The following ZNF215 variants were observed in gnomAD, a reference collection of about 807,000 sequenced individuals.
ZNF215 encodes BWSCR2-associated zinc finger protein 2.
In ZNF215, 24 loss-of-function variants were observed where a neutral mutation model predicts 27.2. The observed-to-expected ratio is 0.88, with a 90% CI of 0.64 to 1.24. ZNF215 has a LOEUF of 1.24. Ranked by LOEUF, ZNF215 falls within the 50% of genes most tolerant of loss-of-function variation. The pLI is 0.00. For synonymous variants in ZNF215, 210 were observed against 204.0 expected (o/e 1.03, Z -0.25); for missense variants, 675 against 605.7 (o/e 1.11, Z -1.20).
At position 6,932,084 on chromosome 11, in the gene ZNF215, C is replaced by G. The variant is rs963827975; in HGVS notation, c.-179-10C>G. The G allele has an allele frequency of 3.4e-6, 2 of 581,774 alleles. No individual in the cohort carries two copies. The highest frequency in any genetic ancestry group is 5.7e-6 in the Non-Finnish European group (2 of 350,106). The allele number at this position is 581,774 out of a possible 1,614,324, so 36.0% of individuals were successfully genotyped here. ...TTGTTCCCTGTGGGTTAATTTCTAT[C>G]TTTTTTCAGTTGCTCAGGTACCTGA... On this transcript the variant is annotated splice_polypyrimidine_tract_variant and intron_variant, in intron 2 of 6. Transcript: ENST00000278319.
chr11:6,936,589 T>C (rs906133311), intron 3 of ZNF215, among the ~76,000 whole-genome samples: 1 of 151,970 alleles, frequency 6.6e-6, no homozygotes, highest in Non-Finnish European at 1.5e-5. Flanking sequence ...ATTCTCAAAC[T>C]CTTCCAAAAA....
chr11:6,982,965 A>C lies in ZNF215; in HGVS notation c.806-1164A>C, dbSNP rs1265643925. 3.3e-5 allele frequency among the ~76,000 whole-genome samples: 5 copies of C among 149,874 alleles called. No individual in the cohort carries two copies. In the East Asian group the frequency reaches 9.6e-4, roughly 29 times the overall value. On this transcript the variant is annotated intron_variant, in intron 5 of 5. Coordinates refer to the ZNF215 transcript ENST00000529903. The stretch of plus-strand genomic sequence containing the variant: ...AACCCTTCAAAAAATTAGTGAATCC[A>C]GGAGCTGGTTTTTTGAAAGGATCAA...
intron 5 of ZNF215, among the ~76,000 whole-genome samples, chr11:6,965,586 T>A (rs1232470867): frequency 6.6e-6 from 1 of 152,180 alleles, no homozygotes; most frequent in African/African-American, 2.4e-5. Flanking sequence ...TTATTTCTTT[T>A]ATCAGTCTTC....
intron 5 of ZNF215, among the ~76,000 whole-genome samples, chr11:6,976,731 T>G (rs1458932915): frequency 6.6e-6 from 1 of 152,096 alleles, no homozygotes; most frequent in Non-Finnish European, 1.5e-5. Context: ...ATGCTCTAGC[T>G]GAGTGATTAC....
downstream of ZNF215, among the ~76,000 whole-genome samples, chr11:6,961,222 G>T (rs1219370323): frequency 6.6e-6 from 1 of 151,998 alleles, no homozygotes; most frequent in African/African-American, 2.4e-5. Context: ...AAAATAACAG[G>T]TATTTCCTTC....
rs372864191 is a variant in ZNF215, at chr11:6,943,583, G to C, written c.654G>C (p.Leu218Phe). 6.2e-7 allele frequency: 1 copy of C among 1,613,840 alleles called. No individual in the cohort carries two copies. Among genetic ancestry groups the C allele is most frequent in the African/African-American group, 1.3e-5 (1 of 74,878 alleles). The change falls in exon 6 of 7, where the codon TTG becomes TTC. Residue 218 changes from leucine to phenylalanine, a missense_variant. Transcript: ENST00000278319. Reference sequence around the variant, plus strand: ...CCAAACCATTTGAGAGCCTTAAGTTGGAGAGTAAGAAAAAAAGATGGATAA... The same window carrying C: ...CCAAACCATTTGAGAGCCTTAAGTTCGAGAGTAAGAAAAAAAGATGGATAA... ...LLSKPFESLK[L>F]ESKKKRWIME...
chr11:6,988,184 C>T, downstream of ZNF215: 2 of 985,258 alleles, frequency 2.0e-6, no homozygotes, highest in Non-Finnish European at 1.2e-6. Flanking sequence ...GAATTATACC[C>T]ATGACTTATA....
At chr11:6,965,825 C>A (rs1850607267) in intron 5 of ZNF215, among the ~76,000 whole-genome samples, 1 of 152,040 alleles carries the variant, frequency 6.6e-6, no homozygotes, top group Non-Finnish European at 1.5e-5. Flanking sequence ...TCAATCATGT[C>A]ATCTGTGACT....
At chr11:6,986,629 T>C (rs1851057038), downstream of ZNF215, among the ~76,000 whole-genome samples, 1 of 152,078 alleles carries the variant, frequency 6.6e-6, no homozygotes, top group Non-Finnish European at 1.5e-5. Context: ...AACAAACGTC[T>C]AATATCCAGA....
chr11:6,959,867 TTATAAC>T (rs570416353), downstream of ZNF215, among the ~76,000 whole-genome samples: 423 of 152,262 alleles, frequency 2.8e-3, 2 homozygotes, highest in African/African-American at 9.7e-3. Context: ...AGACAATTGT[TTATAAC>T]TAGACCTAGG....
In ZNF215 at chr11:6,932,140, C is replaced by A. The variant is rs1189471293; in HGVS notation, c.-133C>A. 2 of 1,177,484 alleles carry A rather than the reference C, an allele frequency of 1.7e-6. No individual in the cohort carries two copies. Among genetic ancestry groups the A allele is most frequent in the Non-Finnish European group, 2.3e-6 (2 of 854,862 alleles). 72.9% of individuals were successfully genotyped at this position (1,177,484 alleles called of 1,614,324 possible). On this transcript the variant is annotated 5_prime_UTR_variant, in exon 3 of 7. Coordinates refer to ENST00000278319, the MANE Select transcript of ZNF215 (RefSeq NM_013250.4). ...GGCTTTGTGTCTAAAGTTTCTGGAACTTTCCTCCTTACCGTGAAATAACTT... is the reference window on the plus strand; with the variant it reads ...GGCTTTGTGTCTAAAGTTTCTGGAAATTTCCTCCTTACCGTGAAATAACTT...
At chr11:6,981,455 T>C (rs1850950229) in intron 5 of ZNF215, among the ~76,000 whole-genome samples, 1 of 152,046 alleles carries the variant, frequency 6.6e-6, no homozygotes, top group Non-Finnish European at 1.5e-5. Flanking sequence ...TTTGATGGGG[T>C]TGTTTGTTTC....
intron 6 of ZNF215, among the ~76,000 whole-genome samples, chr11:6,952,313 T>C (rs1266879448): frequency 6.6e-6 from 1 of 152,226 alleles, no homozygotes; most frequent in African/African-American, 2.4e-5. Flanking sequence ...CTTGTTGATC[T>C]ATCTAATGTT....
At chr11:6,980,698 T>C (rs1443143100) in intron 5 of ZNF215, among the ~76,000 whole-genome samples, 1 of 151,052 alleles carries the variant, frequency 6.6e-6, no homozygotes, top group Non-Finnish European at 1.5e-5. Flanking sequence ...CATGCTGGTG[T>C]GCTGCACCCA....
At chr11:6,952,118 T>A (rs1309260764) in intron 6 of ZNF215, among the ~76,000 whole-genome samples, 1 of 152,216 alleles carries the variant, frequency 6.6e-6, no homozygotes, top group East Asian at 1.9e-4. Context: ...ATAATTTCTA[T>A]TCTTTTACAT....
Position 6,956,854 on chromosome 11 carries a change from A to G in ZNF215, c.*323A>G. ...ATAAATAGGTCTATAGCATACTAAT[A>G]TCCACCTGATTTATTGACGAAGTAG... On this transcript the variant is annotated 3_prime_UTR_variant, in exon 7 of 7. Transcript: ENST00000278319. 9.7e-7 allele frequency: 1 copy of G among 1,030,380 alleles called. No homozygotes were observed. Among genetic ancestry groups the G allele is most frequent in the Non-Finnish European group, 1.2e-6 (1 of 858,882 alleles). The allele number at this position is 1,030,380 out of a possible 1,614,324, so 63.8% of individuals were successfully genotyped here.
chr11:6,954,834 G>T (rs971281257), intron 6 of ZNF215, among the ~76,000 whole-genome samples: 1 of 152,290 alleles, frequency 6.6e-6, no homozygotes, highest in African/African-American at 2.4e-5. Context: ...CGTCACTCAC[G>T]CTGGGAGCTG....
downstream of ZNF215, among the ~76,000 whole-genome samples, chr11:6,962,972 T>G (rs1047011009): frequency 7.9e-5 from 12 of 152,114 alleles, 1 homozygote; most frequent in African/African-American, 2.9e-4. Context: ...AGGGCCCTTG[T>G]ATTCTAGGTT....
At chr11:6,986,755 CT>C (rs1851059190), downstream of ZNF215, among the ~76,000 whole-genome samples, 1 of 151,958 alleles carries the variant, frequency 6.6e-6, no homozygotes, top group Admixed American at 6.5e-5. Context: ...TGAAAAAATG[CT>C]CATCATCACT....
Sources: allele counts gnomAD v4.1 joint callset (sites outside exome capture counted in the v4.1 genomes callset), GRCh38; gene constraint gnomAD v4.1.1; transcripts MANE v1.5; gene names NCBI Gene and HGNC (gene_info 2026-07-23, HGNC 2026-07-21).